Variants in GSK3A observed in about 807,000 individuals in gnomAD.
The protein encoded by GSK3A is glycogen synthase kinase-3 alpha.
Under a neutral mutation model 56.6 loss-of-function variants are expected in GSK3A, and 14 were observed. The observed-to-expected ratio is 0.25, with a 90% CI of 0.16 to 0.39. The LOEUF is 0.39. GSK3A is among the 10% of genes least tolerant of loss of function. The pLI is 1.00. For synonymous variants in GSK3A, 301 were observed against 285.0 expected, an observed-to-expected ratio of 1.06 and a Z score of -0.56; for missense variants, 450 against 656.0, an observed-to-expected ratio of 0.69 and a Z score of 3.43.
At chr19:42,235,463 T>G (rs2075088) in intron 4 of GSK3A, among the ~76,000 whole-genome samples, 1 of 151,644 alleles carries the variant, frequency 6.6e-6, no homozygotes, top group Non-Finnish European at 1.5e-5. Context: ...AGAAGTACCG[T>G]GAGAGCAGGA....
At chr19:42,236,781 G>A in intron 3 of GSK3A, 65 bp from the exon 4 acceptor site, 1 of 1,473,892 alleles carries the variant, frequency 6.8e-7, no homozygotes, top group Non-Finnish European at 9.5e-7. Flanking sequence ...AGGAAGGTAT[G>A]CAGGGAGCAG....
chr19:42,239,869 C>A (rs974583278), intron 2 of GSK3A, 86 bp downstream of exon 2: 1 of 1,134,796 alleles, frequency 8.8e-7, no homozygotes, highest in Non-Finnish European at 1.3e-6. Flanking sequence ...GGCTCTGAAA[C>A]CCAAGCCTCC....
rs2036245704 is a variant in GSK3A, at chr19:42,234,762, C to G, written c.667-84G>C. ...CCCCACCAGCTTGGCCTGAAGAGCC[C>G]TTCCAGGCCCACTCTCCCTGCTGCC... On this transcript the variant is annotated intron_variant, in intron 4 of 10. Coordinates refer to ENST00000222330, the MANE Select transcript of GSK3A (RefSeq NM_019884.3). This position sits in a 1 kb window ranked among gnomAD's most constrained non-coding sequence, Gnocchi z 5.7. The G allele has an allele frequency of 2.9e-6, 4 of 1,360,868 alleles. 1 individual carries two copies. The highest frequency in any genetic ancestry group is 3.9e-6 in the Non-Finnish European group (4 of 1,023,716). 84.3% of individuals were successfully genotyped at this position (1,360,868 alleles called of 1,614,324 possible). A position where few individuals can be genotyped will look rare whatever the true frequency, so the allele number is the denominator to read the frequency against.
At chr19:42,232,705 A>G (rs2036232116) in intron 8 of GSK3A, 23 bp from the exon 9 acceptor site, 2 of 1,534,180 alleles carry the variant, frequency 1.3e-6, no homozygotes, top group African/African-American at 1.4e-5. Context: ...TGCAGGGCTC[A>G]TGAGGGTGAG....
At position 42,234,646 on chromosome 19, in the gene GSK3A, G is replaced by C; in HGVS notation, c.699C>G (p.Ala233=). 6.2e-7 allele frequency: 1 copy of C among 1,611,698 alleles called. No homozygotes were observed. Among genetic ancestry groups the C allele is most frequent in the Non-Finnish European group, 8.5e-7 (1 of 1,179,004 alleles). Reference sequence around the variant, plus strand: ...GACACACGCCCTGGGAGTGGATGTAGGCCAAGCTGCGGAAGAGCTGGTACA... The same window carrying C: ...GACACACGCCCTGGGAGTGGATGTACGCCAAGCTGCGGAAGAGCTGGTACA... ...VYMYQLFRSL[A]YIHSQGVCHR... Residue 233 remains alanine, a synonymous_variant, in exon 5 of 11, where the codon GCC becomes GCG. Transcript: ENST00000222330. This position sits in a 1 kb window ranked among gnomAD's most constrained non-coding sequence, Gnocchi z 5.7.
intron 1 of GSK3A, chr19:42,241,885 T>C (rs1599814455): frequency 3.3e-6 from 1 of 306,478 alleles, no homozygotes; most frequent in African/African-American, 2.2e-5. Flanking sequence ...TTATAATGAA[T>C]AGCAACATCA....
chr19:42,240,406 A>C, intron 1 of GSK3A: 1 of 582,218 alleles, frequency 1.7e-6, no homozygotes, highest in Non-Finnish European at 3.1e-6. Context: ...TGGCAACCCC[A>C]AATTTCTACT....
chr19:42,242,253 G>A lies in GSK3A; in HGVS notation c.213C>T (p.Gly71=), dbSNP rs976699743. 1.1e-5 allele frequency: 16 copies of A among 1,434,584 alleles called. No individual in the cohort carries two copies. The highest frequency in any genetic ancestry group is 1.2e-5 in the Non-Finnish European group (13 of 1,098,570). The allele number at this position is 1,434,584 out of a possible 1,614,324, so 88.9% of individuals were successfully genotyped here. Residue 71 remains glycine, a synonymous_variant, in exon 1 of 11, where the codon GGC becomes GGT. Coordinates refer to ENST00000222330, the MANE Select transcript of GSK3A (RefSeq NM_019884.3). The part of the protein sequence containing the change: ...GASSSGGGPG[G]SGGGGSGGPG... ...GGCCTCCGCTGCCTCCTCCGCCGCT[G>A]CCGCCGGGTCCACCCCCGGAGCTCG... is the stretch of plus-strand genomic sequence containing the variant.
chr19:42,230,877 G>A lies in GSK3A; in HGVS notation c.1379-10C>T, dbSNP rs2036219529. ...GGAGTCTCAGTTAAAGCTGGAGGGA[G>A]GCAGGGAAGGAGCAGAGTTAGCCTT... is the stretch of plus-strand genomic sequence containing the variant. On this transcript the variant is annotated splice_polypyrimidine_tract_variant and intron_variant, in intron 10 of 10. Transcript: ENST00000222330. 2 of 1,550,882 alleles carry A rather than the reference G, an allele frequency of 1.3e-6. No homozygotes were observed. The highest frequency in any genetic ancestry group is 1.4e-5 in the African/African-American group (1 of 73,214).
chr19:42,238,702 G>A (rs1399143591), intron 2 of GSK3A, among the ~76,000 whole-genome samples: 1 of 150,538 alleles, frequency 6.6e-6, no homozygotes. Flanking sequence ...GCTCATGCCT[G>A]TAATACCAGC....
chr19:42,240,739 A>G (rs1458846202), intron 1 of GSK3A: 5 of 156,156 alleles, frequency 3.2e-5, no homozygotes. Flanking sequence ...TTGAGGTTAG[A>G]AAAAAACACT....
At chr19:42,232,257 C>T (rs749119475) in intron 9 of GSK3A, 108 bp from the exon 10 acceptor site, 1 of 767,270 alleles carries the variant, frequency 1.3e-6, no homozygotes, top group Non-Finnish European at 2.2e-6. Flanking sequence ...TGGACACCTT[C>T]AGCCACAGAC....
intron 1 of GSK3A, chr19:42,241,824 A>C (rs1428929673): frequency 5.2e-6 from 1 of 192,688 alleles, no homozygotes; most frequent in Non-Finnish European, 1.1e-5. Flanking sequence ...CTCTTAGGAG[A>C]CAATAACCCT....
chr19:42,237,478 G>A (rs933571156), intron 2 of GSK3A, among the ~76,000 whole-genome samples: 4 of 151,522 alleles, frequency 2.6e-5, no homozygotes, highest in Admixed American at 6.6e-5. Context: ...GTGAGGCACC[G>A]CGCCCAGCCA....
intron 2 of GSK3A, among the ~76,000 whole-genome samples, chr19:42,237,659 C>T (rs1442676505): frequency 1.3e-5 from 2 of 150,342 alleles, no homozygotes; most frequent in African/African-American, 2.4e-5. Flanking sequence ...GGGTGGATCA[C>T]GAAGTCAGGA....
rs376493455 is a variant in GSK3A, at chr19:42,234,357, G to C, written c.900C>G (p.Ser300=). The C allele has an allele frequency of 6.2e-7, 1 of 1,612,346 alleles. No individual in the cohort carries two copies. The highest frequency in any genetic ancestry group is 8.5e-7 in the Non-Finnish European group (1 of 1,178,344). ...CCACCCTCCCATAACTCTGACCGAT[G>C]GATGAGGTGTAATCAGTGGCTCCAA... The part of the protein sequence containing the change: ...LIFGATDYTS[S]IDVWSAGCVL... The change falls in exon 6 of 11, where the codon TCC becomes TCG. Residue 300 remains serine (S), a synonymous_variant. Transcript: ENST00000222330. The surrounding 1 kb of genome is among the most constrained non-coding windows in gnomAD (Gnocchi z 5.7).
In GSK3A at chr19:42,233,261, TGCCCA is replaced by T. The variant is rs767906745; in HGVS notation, c.1002+20_1002+24del. 1.3e-5 allele frequency: 8 copies of T among 597,918 alleles called. No individual in the cohort carries two copies. Among genetic ancestry groups the T allele is most frequent in the Non-Finnish European group, 2.2e-5 (8 of 365,742 alleles). 37.0% of individuals were successfully genotyped at this position (597,918 alleles called of 1,614,324 possible). A position where few individuals can be genotyped will look rare whatever the true frequency, so the allele number is the denominator to read the frequency against. On this transcript the variant is annotated intron_variant, in intron 7 of 10. Coordinates refer to ENST00000222330, the MANE Select transcript of GSK3A (RefSeq NM_019884.3). ...GGCCCCATCCCTCAGCCCCACCCCC[TGCCCA>T]GCCCAGCCCCGCCCCTCACCTTGAT...
At chr19:42,231,835 G>A (rs1200745700) in intron 10 of GSK3A, among the ~76,000 whole-genome samples, 3 of 151,752 alleles carry the variant, frequency 2.0e-5, no homozygotes, top group African/African-American at 7.3e-5. Flanking sequence ...CAGGCCAGAC[G>A]TTATTTCTCT....
rs760058249 is a variant in GSK3A at position 42,234,537 on chromosome 19, C to G, written c.797+11G>C. The G allele has an allele frequency of 3.1e-6, 5 of 1,613,304 alleles. No homozygotes were observed. The South Asian group carries it at 4.4e-5, about 14-fold the overall frequency. On this transcript the variant is annotated intron_variant, in intron 5 of 10. Transcript: ENST00000222330. The surrounding 1 kb of genome is among the most constrained non-coding windows in gnomAD (Gnocchi z 5.7). ...CTGCCTCTTCAGCCACCCAACATGC[C>G]CCAGGCCCACCTGCCAAAATCGCAG...
Sources: allele counts gnomAD v4.1 joint callset (sites outside exome capture counted in the v4.1 genomes callset), GRCh38; gene constraint gnomAD v4.1.1; non-coding constraint Gnocchi (gnomAD v3.1); transcripts MANE v1.5; gene names NCBI Gene and HGNC (gene_info 2026-07-23, HGNC 2026-07-21).